STIM1: variants seen among roughly 807,000 people sequenced by gnomAD.
STIM1 encodes stromal interaction molecule 1.
A neutral mutation model predicts 74.7 loss-of-function variants in STIM1; 25 were observed. The observed-to-expected ratio is 0.33, with a 90% CI of 0.24 to 0.47. The LOEUF (loss-of-function observed/expected upper bound fraction) is 0.47, where lower values mean the gene tolerates loss of function less well. Among genes scored for constraint, STIM1 ranks in the 20% least tolerant of loss-of-function variants. STIM1 has a pLI of 1.00. For missense variants in STIM1, 728 were observed against 920.8 expected (o/e 0.79, Z 2.71); for synonymous variants, 328 against 348.8 (o/e 0.94, Z 0.66).
chr11:4,072,054 A>G (rs1331365090), intron 6 of STIM1, among the ~76,000 whole-genome samples: 1 of 152,180 alleles, frequency 6.6e-6, no homozygotes, highest in Non-Finnish European at 1.5e-5. Context: ...CATTTGTTTG[A>G]AAAACATGTA....
intron 1 of STIM1, among the ~76,000 whole-genome samples, chr11:3,907,585 C>T (rs1440269007): frequency 6.6e-6 from 1 of 152,224 alleles, no homozygotes; most frequent in Non-Finnish European, 1.5e-5. Context: ...TTTGCCCTTG[C>T]CTGTCTACAG....
chr11:3,918,109 T>C (rs1308093837), intron 1 of STIM1, among the ~76,000 whole-genome samples: 1 of 152,166 alleles, frequency 6.6e-6, no homozygotes, highest in East Asian at 1.9e-4. Context: ...GGACTCACTC[T>C]CTCCCCCTTT....
intron 2 of STIM1, among the ~76,000 whole-genome samples, chr11:3,997,185 C>T (rs540782958): frequency 6.6e-6 from 1 of 152,312 alleles, no homozygotes; most frequent in South Asian, 2.1e-4. Flanking sequence ...GGGGCATCAA[C>T]AATGATTCCA....
intron 5 of STIM1, among the ~76,000 whole-genome samples, chr11:4,060,627 T>C (rs2094324145): frequency 6.6e-6 from 1 of 152,230 alleles, no homozygotes; most frequent in Non-Finnish European, 1.5e-5. Context: ...CTACTCTTTA[T>C]GTAAGGCGTA....
In STIM1 at chr11:3,913,813, C is replaced by A. The variant is rs573842629; in HGVS notation, c.140-53739C>A. ...TCTCCCTATTTTCCGCTCCCGCTGG[C>A]AGCCACCAATAGGATTTACCTATTT... On this transcript the variant is annotated intron_variant, in intron 1 of 12. Transcript: ENST00000526596. 2.6e-5 allele frequency among the ~76,000 whole-genome samples: 4 copies of A among 152,296 alleles called. No individual in the cohort carries two copies. In the South Asian group the frequency reaches 8.3e-4, roughly 32 times the overall value.
chr11:4,040,707 A>G (rs1206096738), intron 3 of STIM1, among the ~76,000 whole-genome samples: 1 of 152,224 alleles, frequency 6.6e-6, no homozygotes, highest in Non-Finnish European at 1.5e-5. Context: ...GTGATCTTAG[A>G]TAAGTTGTTT....
chr11:3,969,215 T>C (rs1428969475), intron 2 of STIM1, among the ~76,000 whole-genome samples: 3 of 152,160 alleles, frequency 2.0e-5, no homozygotes, highest in African/African-American at 7.2e-5. Context: ...CTGGGTGTGG[T>C]GGCTCATGCC....
At chr11:3,925,590 A>G (rs1428624428) in intron 1 of STIM1, among the ~76,000 whole-genome samples, 2 of 152,260 alleles carry the variant, frequency 1.3e-5, no homozygotes, top group East Asian at 1.9e-4. Flanking sequence ...CAGAAAAATT[A>G]TAAAAGTTTA....
At chr11:4,076,652 T>C (rs2094439134) in intron 7 of STIM1, among the ~76,000 whole-genome samples, 1 of 151,828 alleles carries the variant, frequency 6.6e-6, no homozygotes, top group Admixed American at 6.6e-5. Flanking sequence ...AACTTTTGTA[T>C]GTGATATGAG....
intron 2 of STIM1, among the ~76,000 whole-genome samples, chr11:3,983,760 C>A (rs2093529942): frequency 6.6e-6 from 1 of 152,196 alleles, no homozygotes; most frequent in Admixed American, 6.5e-5. Context: ...GTCCCTGGAC[C>A]CAATTCTGAA....
chr11:3,937,640 T>C (rs555852736), intron 1 of STIM1, among the ~76,000 whole-genome samples: 14 of 146,000 alleles, frequency 9.6e-5, no homozygotes, highest in African/African-American at 3.7e-4. Context: ...ATGATGGCAG[T>C]CCTTCAATGT....
chr11:3,930,108 G>A (rs1034505727), intron 1 of STIM1, among the ~76,000 whole-genome samples: 2 of 152,136 alleles, frequency 1.3e-5, no homozygotes, highest in Non-Finnish European at 2.9e-5. Context: ...AAGTGGAAAT[G>A]CTTAGCATTT....
intron 1 of STIM1, among the ~76,000 whole-genome samples, chr11:3,881,819 T>C (rs1255203590): frequency 6.6e-6 from 1 of 151,948 alleles, no homozygotes; most frequent in Non-Finnish European, 1.5e-5. Context: ...ATTGCAGGCA[T>C]GTACTACCAC....
In STIM1 at chr11:3,856,175, G is replaced by T; in HGVS notation, c.-96G>T. The stretch of plus-strand genomic sequence containing the variant: ...AGCTGCGGAGCCGCGAGGGCATCTT[G>T]CCTGGAGACCGTCGGCTGCACTCCC... On this transcript the variant is annotated 5_prime_UTR_variant, in exon 1 of 13. Coordinates refer to ENST00000526596, the MANE Select transcript of STIM1 (RefSeq NM_001382567.1). 7.1e-6 allele frequency: 11 copies of T among 1,555,660 alleles called. No homozygotes were observed. Among genetic ancestry groups the T allele is most frequent in the Non-Finnish European group, 9.7e-6 (11 of 1,134,408 alleles).
rs182163309 is a variant in STIM1 at position 3,876,381 on chromosome 11, G to A, written c.139+19972G>A. Among the ~76,000 whole-genome samples the A allele has an allele frequency of 2.5e-3, 378 of 152,272 alleles. 4 individuals carry two copies. The highest frequency in any genetic ancestry group is 8.7e-3 in the African/African-American group (363 of 41,542). On this transcript the variant is annotated intron_variant, in intron 1 of 12. Transcript: ENST00000526596. Reference sequence around the variant, plus strand: ...TGGGTAGCAGCTGAGAGGAATTCCTGTGAGTTGAGGGAAAGGACTACATTC... The same window carrying A: ...TGGGTAGCAGCTGAGAGGAATTCCTATGAGTTGAGGGAAAGGACTACATTC...
intron 6 of STIM1, among the ~76,000 whole-genome samples, chr11:4,073,483 C>A (rs1399866220): frequency 6.6e-6 from 1 of 152,178 alleles, no homozygotes; most frequent in African/African-American, 2.4e-5. Flanking sequence ...GTCTACTTGT[C>A]TTTGTTGGAG....
Position 3,967,536 on chromosome 11 carries a change from T to G in STIM1, c.140-16T>G, listed in dbSNP as rs906101522. The G allele has an allele frequency of 6.2e-7, 1 of 1,614,112 alleles. No homozygotes were observed. Among genetic ancestry groups the G allele is most frequent in the African/African-American group, 1.3e-5 (1 of 75,052 alleles). Reference sequence around the variant, plus strand: ...GGCAGCTCTGAGTAATTTTGTCTCTTGCTTTTCTTACACAGAGTTTTGCCG... The same window carrying G: ...GGCAGCTCTGAGTAATTTTGTCTCTGGCTTTTCTTACACAGAGTTTTGCCG... On this transcript the variant is annotated splice_polypyrimidine_tract_variant and intron_variant, in intron 1 of 12. Transcript: ENST00000526596.
At chr11:3,944,797 G>A (rs2093052414) in intron 1 of STIM1, among the ~76,000 whole-genome samples, 1 of 152,210 alleles carries the variant, frequency 6.6e-6, no homozygotes, top group African/African-American at 2.4e-5. Context: ...CCTAATCAGA[G>A]CAGGAGTGTA....
intron 3 of STIM1, among the ~76,000 whole-genome samples, chr11:4,042,557 C>T (rs185701490): frequency 2.0e-3 from 307 of 152,152 alleles, no homozygotes; most frequent in African/African-American, 6.9e-3. Context: ...AATGTTTTTT[C>T]CCCCTAATGA....
Sources: allele counts gnomAD v4.1 joint callset (sites outside exome capture counted in the v4.1 genomes callset), GRCh38; gene constraint gnomAD v4.1.1; transcripts MANE v1.5; gene names NCBI Gene and HGNC (gene_info 2026-07-23, HGNC 2026-07-21).